The following ATP2C2 variants were observed in gnomAD, a reference collection of about 807,000 sequenced individuals.
ATP2C2 encodes calcium-transporting ATPase type 2C member 2.
Under a neutral mutation model 110.8 loss-of-function variants are expected in ATP2C2, and 171 were observed. That is an observed-to-expected ratio of 1.54 (90% CI 1.36 to 1.75). The LOEUF is 1.75. Among genes scored for constraint, ATP2C2 ranks in the 40% most tolerant of loss-of-function variants. The probability of loss-of-function intolerance (pLI) is 0.00; values close to 1 mark genes in which losing one functional copy is unlikely to be tolerated. For synonymous variants in ATP2C2, 804 were observed against 508.4 expected (o/e 1.58, Z -7.82); for missense variants, 1,963 against 1,235.0 (o/e 1.59, Z -8.84).
chr16:84,407,339 G>C (rs188764676), intron 3 of ATP2C2: 2 of 153,034 alleles, frequency 1.3e-5, no homozygotes, highest in East Asian at 3.9e-4. Flanking sequence ...TCTGGGCAGA[G>C]ATCTGAGTGA....
At position 84,368,541 on chromosome 16, in the gene ATP2C2, A is replaced by G; in HGVS notation, c.-75A>G. 8.5e-7 allele frequency: 1 copy of G among 1,178,122 alleles called. No individual in the cohort carries two copies. The highest frequency in any genetic ancestry group is 1.2e-6 in the Non-Finnish European group (1 of 831,880). The allele number at this position is 1,178,122 out of a possible 1,614,324, so 73.0% of individuals were successfully genotyped here. A position where few individuals can be genotyped will look rare whatever the true frequency, so the allele number is the denominator to read the frequency against. ...ACCTGGTAACCGGGTCCGGCCCAGG[A>G]GGCTTGGGCGCGCGCAGCCATCCCG... On this transcript the variant is annotated 5_prime_UTR_variant, in exon 1 of 27. Coordinates refer to ENST00000262429, the MANE Select transcript of ATP2C2 (RefSeq NM_014861.4).
intron 14 of ATP2C2, 135 bp downstream of exon 14, chr16:84,441,093 C>G (rs1488076171): frequency 5.2e-6 from 4 of 762,094 alleles, no homozygotes; most frequent in Non-Finnish European, 8.8e-6. Flanking sequence ...GAGGCTGGCA[C>G]AGCACTGAAA....
At chr16:84,398,122 G>T (rs1213025953) in intron 1 of ATP2C2, among the ~76,000 whole-genome samples, 1 of 151,776 alleles carries the variant, frequency 6.6e-6, no homozygotes, top group Non-Finnish European at 1.5e-5. Context: ...AACACATGTG[G>T]CCGGGCGCAG....
intron 7 of ATP2C2, among the ~76,000 whole-genome samples, chr16:84,418,889 A>G (rs1238397995): frequency 1.3e-5 from 2 of 152,092 alleles, no homozygotes; most frequent in African/African-American, 4.8e-5. Flanking sequence ...CAAAATTGAA[A>G]TCGTTTTCAC....
intron 1 of ATP2C2, among the ~76,000 whole-genome samples, chr16:84,390,942 C>T (rs577425516): frequency 6.6e-6 from 1 of 151,962 alleles, no homozygotes; most frequent in Admixed American, 6.6e-5. Context: ...GTTCAAACCC[C>T]GTCTCTACTA....
At chr16:84,398,250 A>G (rs1905110256) in intron 1 of ATP2C2, among the ~76,000 whole-genome samples, 1 of 151,962 alleles carries the variant, frequency 6.6e-6, no homozygotes, top group African/African-American at 2.4e-5. Flanking sequence ...AAAAATACCA[A>G]AAAAATTTAG....
intron 4 of ATP2C2, among the ~76,000 whole-genome samples, chr16:84,408,914 A>G (rs1906025632): frequency 6.6e-6 from 1 of 152,078 alleles, no homozygotes; most frequent in Non-Finnish European, 1.5e-5. Context: ...TTCACAGTGA[A>G]CAATTCAGTG....
intron 21 of ATP2C2, among the ~76,000 whole-genome samples, chr16:84,455,438 T>C (rs902328466): frequency 6.6e-6 from 1 of 152,156 alleles, no homozygotes; most frequent in Non-Finnish European, 1.5e-5. Flanking sequence ...ATCTCAGGCA[T>C]TGCAAAGAGA....
At chr16:84,370,883 G>A (rs1450765258) in intron 1 of ATP2C2, among the ~76,000 whole-genome samples, 1 of 151,978 alleles carries the variant, frequency 6.6e-6, no homozygotes, top group African/African-American at 2.4e-5. Context: ...GTCTTCTCTT[G>A]GGCCTCTTAC....
chr16:84,446,926 C>G (rs1909803346), intron 16 of ATP2C2, among the ~76,000 whole-genome samples: 1 of 152,172 alleles, frequency 6.6e-6, no homozygotes, highest in Non-Finnish European at 1.5e-5. Context: ...TACTGGGGAG[C>G]AAATCCTTCA....
chr16:84,404,700 G>T (rs1223882661), intron 2 of ATP2C2: 2 of 347,930 alleles, frequency 5.7e-6, no homozygotes, highest in Non-Finnish European at 1.1e-5. Flanking sequence ...AGTTCCTTTG[G>T]GTATATACCC....
At chr16:84,451,145 G>A (rs1013893447) in intron 17 of ATP2C2, among the ~76,000 whole-genome samples, 6 of 152,142 alleles carry the variant, frequency 3.9e-5, no homozygotes, top group Non-Finnish European at 5.9e-5. Flanking sequence ...TGAAAGGCAC[G>A]TCTTACATGG....
intron 6 of ATP2C2, 47 bp downstream of exon 6, chr16:84,410,812 G>T: frequency 6.4e-7 from 1 of 1,562,868 alleles, no homozygotes; most frequent in Non-Finnish European, 8.8e-7. Flanking sequence ...GGAGGAGCCA[G>T]GGAGCTGGAG....
At chr16:84,404,990 G>C in intron 2 of ATP2C2, 138 bp from the exon 3 acceptor site, 1 of 790,714 alleles carries the variant, frequency 1.3e-6, no homozygotes, top group South Asian at 1.4e-5. Flanking sequence ...CTTTGAACAA[G>C]TCCCAGCACC....
chr16:84,407,843 C>T (rs939010950), intron 3 of ATP2C2, among the ~76,000 whole-genome samples: 1 of 152,146 alleles, frequency 6.6e-6, no homozygotes, highest in Admixed American at 6.5e-5. Context: ...TATGTGTTTG[C>T]ATTTCTTTTC....
At chr16:84,377,354 T>A (rs1910307636) in intron 1 of ATP2C2, among the ~76,000 whole-genome samples, 1 of 152,184 alleles carries the variant, frequency 6.6e-6, no homozygotes, top group African/African-American at 2.4e-5. Context: ...CGGACAGGCA[T>A]CTTTGTTGTC....
intron 11 of ATP2C2, among the ~76,000 whole-genome samples, chr16:84,438,645 C>G (rs1210624881): frequency 6.6e-6 from 1 of 152,128 alleles, no homozygotes; most frequent in Non-Finnish European, 1.5e-5. Context: ...AACAGATCCA[C>G]GCAGCAGGCA....
At chr16:84,375,238 T>C (rs1470270858) in intron 1 of ATP2C2, among the ~76,000 whole-genome samples, 1 of 152,218 alleles carries the variant, frequency 6.6e-6, no homozygotes, top group Non-Finnish European at 1.5e-5. Flanking sequence ...CTAATGTTTT[T>C]AACATGAAAA....
chr16:84,420,472 C>T lies in ATP2C2; in HGVS notation c.625-1918C>T, dbSNP rs72804702. On this transcript the variant is annotated intron_variant, in intron 7 of 26. Coordinates refer to ENST00000262429, the MANE Select transcript of ATP2C2 (RefSeq NM_014861.4). ...TCATCTTTGATCTCTCCCTTTCTTTCTTTTTTTTTTTTTTTTAAAGGACTT... is the reference window on the plus strand; with the variant it reads ...TCATCTTTGATCTCTCCCTTTCTTTTTTTTTTTTTTTTTTTTAAAGGACTT... Among the ~76,000 whole-genome samples, 407 of 95,774 alleles carry T rather than the reference C, an allele frequency of 4.2e-3. 1 individual carries two copies. Among genetic ancestry groups the T allele is most frequent in the African/African-American group, 9.8e-3 (303 of 30,900 alleles). 62.8% of individuals were successfully genotyped at this position (95,774 alleles called of 152,430 possible).
Sources: allele counts gnomAD v4.1 joint callset (sites outside exome capture counted in the v4.1 genomes callset), GRCh38; gene constraint gnomAD v4.1.1; transcripts MANE v1.5; gene names NCBI Gene and HGNC (gene_info 2026-07-23, HGNC 2026-07-21).